CLDN10: variants seen among roughly 807,000 people sequenced by gnomAD.
The protein encoded by CLDN10 is claudin 10, also known as claudin-10.
CLDN10 carries 15 observed loss-of-function variants against 22.9 expected under a neutral mutation model. The ratio of observed to expected loss-of-function variants is 0.65; its 90% CI spans 0.44 to 1.01. The LOEUF is 1.01. Among genes scored for constraint, CLDN10 ranks in the 50% least tolerant of loss-of-function variants. The pLI is 0.00. For missense variants in CLDN10, 247 were observed against 287.8 expected (o/e 0.86, Z 1.03); for synonymous variants, 114 against 111.4 (o/e 1.02, Z -0.15).
intron 1 of CLDN10, among the ~76,000 whole-genome samples, chr13:95,489,123 C>T (rs7337410): frequency 0.029 from 4,330 of 151,506 alleles, 88 homozygotes; most frequent in Middle Eastern, 0.071. Flanking sequence ...GCTAGTTTTA[C>T]TTTTTAGTAG....
chr13:95,494,311 CAGTTGGTATTTACACA>C (rs2042905655), intron 1 of CLDN10, among the ~76,000 whole-genome samples: 1 of 152,124 alleles, frequency 6.6e-6, no homozygotes, highest in African/African-American at 2.4e-5. Flanking sequence ...TTGCTAAATC[CAGTTGGTATTTACACA>C]AGAGGAAACA....
At chr13:95,529,106 T>C (rs2043314738) in intron 1 of CLDN10, among the ~76,000 whole-genome samples, 1 of 152,124 alleles carries the variant, frequency 6.6e-6, no homozygotes, top group Admixed American at 6.6e-5. Context: ...CCATGTCTAG[T>C]ATTTTTTTTT....
Position 95,575,470 on chromosome 13 carries a change from C to T in CLDN10, c.465-1761C>T, listed in dbSNP as rs534398202. Among the ~76,000 whole-genome samples the T allele has an allele frequency of 5.3e-5, 8 of 152,250 alleles. No homozygotes were observed. The South Asian group carries it at 6.2e-4, about 12-fold the overall frequency. On this transcript the variant is annotated intron_variant, in intron 3 of 4. Coordinates refer to ENST00000299339, the MANE Select transcript of CLDN10 (RefSeq NM_006984.5). ...AAAAGCAGGGCTGATTGCAGAAATC[C>T]GGGGCATCTTTTTCAGGTGTGTAAC... is the stretch of plus-strand genomic sequence containing the variant.
chr13:95,485,052 C>T (rs1048246354), intron 1 of CLDN10, among the ~76,000 whole-genome samples: 9 of 151,996 alleles, frequency 5.9e-5, no homozygotes, highest in Non-Finnish European at 4.4e-5. Flanking sequence ...AGATGGGCAG[C>T]AGGTAATTAG....
intron 1 of CLDN10, among the ~76,000 whole-genome samples, chr13:95,511,990 C>T (rs1220114842): frequency 7.6e-6 from 1 of 130,914 alleles, no homozygotes; most frequent in African/African-American, 2.7e-5. Context: ...CTAATGCTAT[C>T]CCCCCCCTCT....
chr13:95,462,244 G>A (rs1443126302), intron 1 of CLDN10, among the ~76,000 whole-genome samples: 2 of 152,144 alleles, frequency 1.3e-5, no homozygotes, highest in African/African-American at 2.4e-5. Context: ...ATGAGTTAAC[G>A]ATGGTCATTT....
chr13:95,528,211 T>A (rs551479264), intron 1 of CLDN10, among the ~76,000 whole-genome samples: 3 of 152,312 alleles, frequency 2.0e-5, no homozygotes, highest in Non-Finnish European at 4.4e-5. Context: ...GGGAGATAAT[T>A]GAATCATAGG....
chr13:95,467,340 C>A (rs557586344), intron 1 of CLDN10, among the ~76,000 whole-genome samples: 1 of 152,002 alleles, frequency 6.6e-6, no homozygotes, highest in South Asian at 2.1e-4. Flanking sequence ...CAAAAAAAAT[C>A]AACAATATTT....
At chr13:95,494,602 A>T (rs2042908766) in intron 1 of CLDN10, among the ~76,000 whole-genome samples, 1 of 152,264 alleles carries the variant, frequency 6.6e-6, no homozygotes, top group South Asian at 2.1e-4. Flanking sequence ...GCTTAATAAA[A>T]GAAAAAGTAA....
At chr13:95,453,831 C>T (rs573105419) in intron 1 of CLDN10, among the ~76,000 whole-genome samples, 19 of 152,028 alleles carry the variant, frequency 1.2e-4, no homozygotes, top group African/African-American at 4.1e-4. Context: ...ATTCTAGTGC[C>T]TCGCTGGGCA....
At chr13:95,562,283 G>T (rs537958003) in intron 3 of CLDN10, among the ~76,000 whole-genome samples, 58 of 150,856 alleles carry the variant, frequency 3.8e-4, no homozygotes, top group Non-Finnish European at 6.1e-4. Context: ...ATGTTGCCCA[G>T]AGTTGTCTCC....
intron 1 of CLDN10, among the ~76,000 whole-genome samples, chr13:95,461,373 G>A (rs1383988670): frequency 6.6e-6 from 1 of 152,192 alleles, no homozygotes; most frequent in Admixed American, 6.5e-5. Flanking sequence ...TCATTCAGGA[G>A]AGGAAAGAAC....
At chr13:95,520,968 A>C (rs1290996920) in intron 1 of CLDN10, among the ~76,000 whole-genome samples, 1 of 152,172 alleles carries the variant, frequency 6.6e-6, no homozygotes. Context: ...CCTCAAAAAA[A>C]AAAAACAGCA....
At chr13:95,460,197 C>G (rs970379542) in intron 1 of CLDN10, among the ~76,000 whole-genome samples, 2 of 152,190 alleles carry the variant, frequency 1.3e-5, no homozygotes, top group Admixed American at 1.3e-4. Context: ...TTCAACAAGT[C>G]TCTAGAAACT....
chr13:95,438,877 G>T (rs1185664354), intron 1 of CLDN10, among the ~76,000 whole-genome samples: 1 of 151,426 alleles, frequency 6.6e-6, no homozygotes, highest in African/African-American at 2.4e-5. Context: ...TCTTTGGGAG[G>T]CTGAGGAAGG....
Position 95,524,531 on chromosome 13 carries a change from C to T in CLDN10, c.215-35601C>T, listed in dbSNP as rs540320306. On this transcript the variant is annotated intron_variant, in intron 1 of 4. Coordinates refer to the CLDN10 transcript ENST00000376873. ...AATGATATTCCATTGTATGGAAATA[C>T]CACATGTTGTTTATCCATTCTTCAG... 2.6e-5 allele frequency among the ~76,000 whole-genome samples: 4 copies of T among 152,272 alleles called. No individual in the cohort carries two copies. The East Asian group carries it at 5.8e-4, about 22-fold the overall frequency.
intron 1 of CLDN10, among the ~76,000 whole-genome samples, chr13:95,525,695 T>C (rs993719903): frequency 2.6e-5 from 4 of 152,138 alleles, no homozygotes; most frequent in African/African-American, 9.7e-5. Context: ...TTTTGCCATA[T>C]TGGCCAAGCT....
Position 95,542,406 on chromosome 13 carries a change from T to C in CLDN10, c.215-17726T>C, listed in dbSNP as rs918638165. ...ATTTGATGTAGAGTATGAATGTATGTACTTCGAAATTCAACATGATTTTGA... is the reference window on the plus strand; with the variant it reads ...ATTTGATGTAGAGTATGAATGTATGCACTTCGAAATTCAACATGATTTTGA... On this transcript the variant is annotated intron_variant, in intron 1 of 4. Coordinates refer to the CLDN10 transcript ENST00000376873. Among the ~76,000 whole-genome samples, 5 of 152,356 alleles carry C rather than the reference T, an allele frequency of 3.3e-5. No individual in the cohort carries two copies. The East Asian group carries it at 9.6e-4, about 29-fold the overall frequency.
chr13:95,461,912 C>A (rs574778376), intron 1 of CLDN10, among the ~76,000 whole-genome samples: 10 of 151,924 alleles, frequency 6.6e-5, no homozygotes, highest in Admixed American at 3.9e-4. Flanking sequence ...GGCAACATAG[C>A]AAGACCCCAT....
Sources: gnomAD v4.1 joint callset for allele counts (sites outside exome capture counted in the v4.1 genomes callset) on GRCh38, gnomAD v4.1.1 for gene constraint, MANE v1.5 for transcripts, NCBI Gene and HGNC (gene_info 2026-07-23, HGNC 2026-07-21) for gene names.